Variants in CNBD1 observed in about 807,000 individuals in gnomAD.
The protein encoded by CNBD1 is cyclic nucleotide-binding domain-containing protein 1.
CNBD1 carries 71 observed loss-of-function variants against 54.4 expected under a neutral mutation model. The observed-to-expected ratio is 1.30, with a 90% CI of 1.08 to 1.59. The LOEUF is 1.59. Ranked by LOEUF, CNBD1 falls within the 40% of genes most tolerant of loss-of-function variation. The pLI, the probability that CNBD1 is intolerant of heterozygous loss-of-function variation, is 0.00. For missense variants in CNBD1, 659 were observed against 518.0 expected (o/e 1.27, Z -2.64); for synonymous variants, 182 against 170.7 (o/e 1.07, Z -0.51).
intron 10 of CNBD1, among the ~76,000 whole-genome samples, chr8:87,356,663 A>G (rs535127288): frequency 3.6e-4 from 55 of 152,330 alleles, no homozygotes; most frequent in African/African-American, 1.3e-3. Flanking sequence ...GAAGCAGAGC[A>G]TAAAATTTGA....
chr8:87,328,692 G>A (rs1267002928), intron 8 of CNBD1, among the ~76,000 whole-genome samples: 1 of 151,602 alleles, frequency 6.6e-6, no homozygotes, highest in Non-Finnish European at 1.5e-5. Flanking sequence ...GATTACTTTG[G>A]GTATTTTGGA....
At chr8:87,380,409 G>T (rs2130958865) in intron 10 of CNBD1, among the ~76,000 whole-genome samples, 1 of 151,886 alleles carries the variant, frequency 6.6e-6, no homozygotes, top group East Asian at 1.9e-4. Context: ...ATACTGTTTT[G>T]ATTACTGTAG....
At chr8:87,222,074 A>T (rs955354253) in intron 5 of CNBD1, among the ~76,000 whole-genome samples, 11 of 152,122 alleles carry the variant, frequency 7.2e-5, no homozygotes, top group Non-Finnish European at 1.3e-4. Context: ...TAGACCTTAT[A>T]AAGAGATTCC....
intron 2 of CNBD1, among the ~76,000 whole-genome samples, chr8:87,388,058 G>A (rs1586071518): frequency 6.6e-6 from 1 of 152,088 alleles, no homozygotes; most frequent in Non-Finnish European, 1.5e-5. Flanking sequence ...TGAAACAAAC[G>A]AGAACAAGGA....
chr8:86,956,755 T>C (rs144120999), intron 4 of CNBD1, among the ~76,000 whole-genome samples: 2,595 of 152,298 alleles, frequency 0.017, 55 homozygotes, highest in African/African-American at 0.051. Context: ...TTTATAAATA[T>C]ACAATCATGT....
chr8:87,035,133 T>G (rs1809890314), intron 4 of CNBD1, among the ~76,000 whole-genome samples: 1 of 152,220 alleles, frequency 6.6e-6, no homozygotes, highest in African/African-American at 2.4e-5. Context: ...AGACTAGTTT[T>G]TTCAAAGTTT....
intron 4 of CNBD1, among the ~76,000 whole-genome samples, chr8:86,948,000 G>A (rs2130441071): frequency 6.6e-6 from 1 of 152,158 alleles, no homozygotes; most frequent in Middle Eastern, 3.4e-3. Flanking sequence ...AAATAAGTGA[G>A]ACCATGTGAT....
In CNBD1 at chr8:87,166,640, C is replaced by T. The variant is rs1430743148; in HGVS notation, c.432-39353C>T. Among the ~76,000 whole-genome samples, 2 of 151,896 alleles carry T rather than the reference C, an allele frequency of 1.3e-5. No individual in the cohort carries two copies. The highest frequency in any genetic ancestry group is 4.8e-5 in the African/African-American group (2 of 41,392). ...TTCTCACAGTTCTCTGGCTCTTTCA[C>T]TTTCTTGTCAGTTCCTCTTTGTTCC... On this transcript the variant is annotated intron_variant, in intron 4 of 10. Transcript: ENST00000518476. This position sits in a 1 kb window ranked among gnomAD's most constrained non-coding sequence, Gnocchi z 4.3.
At chr8:87,006,734 A>G (rs1007581260) in intron 4 of CNBD1, among the ~76,000 whole-genome samples, 1 of 152,184 alleles carries the variant, frequency 6.6e-6, no homozygotes, top group Non-Finnish European at 1.5e-5. Flanking sequence ...CTGGGCAGGG[A>G]CAGATACTCA....
chr8:87,070,814 G>C lies in CNBD1; in HGVS notation c.431+131060G>C, dbSNP rs145787994. 1.7e-3 allele frequency among the ~76,000 whole-genome samples: 251 copies of C among 152,048 alleles called. 1 individual carries two copies. The highest frequency in any genetic ancestry group is 5.8e-3 in the African/African-American group (239 of 41,510). On this transcript the variant is annotated intron_variant, in intron 4 of 10. Coordinates refer to ENST00000518476, the MANE Select transcript of CNBD1 (RefSeq NM_173538.3). ...TTAAGTAGCTACTATGTACCCCTAG[G>C]CACCAGCAGTAAATATTTTAGTGCT...
intron 6 of CNBD1, among the ~76,000 whole-genome samples, chr8:87,257,667 T>C (rs1808049157): frequency 6.6e-6 from 1 of 152,096 alleles, no homozygotes; most frequent in African/African-American, 2.4e-5. Flanking sequence ...ATGCTTAACA[T>C]TGGATTTATG....
intron 4 of CNBD1, among the ~76,000 whole-genome samples, chr8:87,199,485 T>C (rs558938140): frequency 6.6e-6 from 1 of 152,310 alleles, no homozygotes; most frequent in East Asian, 1.9e-4. Context: ...TACATATCCA[T>C]CACCTGCAAT....
chr8:86,895,098 T>C (rs7012309), intron 2 of CNBD1, among the ~76,000 whole-genome samples: 2,947 of 152,292 alleles, frequency 0.019, 101 homozygotes, highest in African/African-American at 0.065. Context: ...CATACCCTCA[T>C]GACTCAATCA....
At chr8:87,387,589 C>A (rs1450669555), downstream of CNBD1, among the ~76,000 whole-genome samples, 1 of 152,138 alleles carries the variant, frequency 6.6e-6, no homozygotes, top group Non-Finnish European at 1.5e-5. Flanking sequence ...AATACAGGAG[C>A]ACCCAGGTTC....
chr8:87,129,653 T>A (rs1056045705), intron 4 of CNBD1, among the ~76,000 whole-genome samples: 5 of 152,218 alleles, frequency 3.3e-5, no homozygotes, highest in East Asian at 1.9e-4. Context: ...GATTTAGACT[T>A]TACTTTTTTA....
chr8:86,894,702 T>C (rs952941358), intron 2 of CNBD1, among the ~76,000 whole-genome samples: 1 of 152,120 alleles, frequency 6.6e-6, no homozygotes, highest in Non-Finnish European at 1.5e-5. Context: ...CTTCTCCCTA[T>C]CCTCAACCCC....
chr8:87,125,552 A>G (rs1811974685), intron 4 of CNBD1, among the ~76,000 whole-genome samples: 1 of 151,862 alleles, frequency 6.6e-6, no homozygotes, highest in Non-Finnish European at 1.5e-5. Context: ...CCATCTGAAT[A>G]GTCAAATTCA....
intron 3 of CNBD1, among the ~76,000 whole-genome samples, chr8:86,921,559 G>C (rs1256798071): frequency 1.3e-5 from 2 of 152,128 alleles, no homozygotes; most frequent in Non-Finnish European, 2.9e-5. Context: ...TCATGATCAT[G>C]GTGGAAGATC....
At chr8:87,426,181 G>A (rs549326675) in intron 2 of CNBD1, among the ~76,000 whole-genome samples, 15 of 152,280 alleles carry the variant, frequency 9.9e-5, no homozygotes, top group Non-Finnish European at 1.6e-4. Flanking sequence ...TTCAGCTGGC[G>A]CACGGTGCGC....
Sources: allele counts gnomAD v4.1 joint callset (sites outside exome capture counted in the v4.1 genomes callset), GRCh38; gene constraint gnomAD v4.1.1; non-coding constraint Gnocchi (gnomAD v3.1); transcripts MANE v1.5; gene names NCBI Gene and HGNC (gene_info 2026-07-23, HGNC 2026-07-21).